The following CHD4 variants were observed in gnomAD, a reference collection of about 807,000 sequenced individuals.
CHD4 encodes the protein chromodomain helicase DNA binding protein 4.
Under a neutral mutation model 235.5 loss-of-function variants are expected in CHD4, and 35 were observed. The ratio of observed to expected loss-of-function variants is 0.15; its 90% CI spans 0.11 to 0.20. CHD4 has a LOEUF of 0.20. Among genes scored for constraint, CHD4 ranks in the 10% least tolerant of loss-of-function variants. The pLI is 1.00. For synonymous variants in CHD4, 900 were observed against 850.2 expected, an observed-to-expected ratio of 1.06 and a Z score of -1.02; for missense variants, 1,329 against 2,432.3, an observed-to-expected ratio of 0.55 and a Z score of 9.54.
chr12:6,570,575 A>G lies in CHD4; in HGVS notation c.*101T>C. On this transcript the variant is annotated 3_prime_UTR_variant, in exon 40 of 40. Coordinates refer to ENST00000544040, the MANE Select transcript of CHD4 (RefSeq NM_001273.5). ...CCTTTACAACATGGAAGATGGGCAG[A>G]AGGAAGGTGAGGGTCTCTCAGGCCC... 7.0e-7 allele frequency: 1 copy of G among 1,430,586 alleles called. No homozygotes were observed. The highest frequency in any genetic ancestry group is 9.8e-7 in the Non-Finnish European group (1 of 1,018,630). 88.6% of individuals were successfully genotyped at this position (1,430,586 alleles called of 1,614,324 possible).
chr12:6,602,580 T>C, intron 2 of CHD4, 83 bp from the exon 3 acceptor site: 7 of 1,523,276 alleles, frequency 4.6e-6, no homozygotes, highest in Non-Finnish European at 6.2e-6. Context: ...CTTTAGACTT[T>C]ATTCCCCACC....
chr12:6,589,351 T>C (rs540279889), intron 22 of CHD4, among the ~76,000 whole-genome samples: 45 of 152,212 alleles, frequency 3.0e-4, no homozygotes, highest in Middle Eastern at 3.4e-3. Context: ...TCAATCACAA[T>C]GGGAACAATA....
chr12:6,602,810 G>A, intron 2 of CHD4: 1 of 233,908 alleles, frequency 4.3e-6, no homozygotes. Context: ...GAGCTGCTCA[G>A]AGTTCACCAA....
At chr12:6,583,762 TAA>T (rs1191795823) in intron 25 of CHD4, 1 of 169,642 alleles carries the variant, frequency 5.9e-6, no homozygotes, top group Non-Finnish European at 1.2e-5. Flanking sequence ...AAGATTTTCA[TAA>T]GAGAGAAGGA....
Position 6,598,318 on chromosome 12 carries a change from G to A in CHD4, c.1590C>T (p.Pro530=), listed in dbSNP as rs779744206. ...PRPPDADPNT[P]SPKPLEGRPE... ...GCCGCCCCTCCAAGGGCTTTGGGGA[G>A]GGCGTGTTGGGATCAGCATCTGGAG... The change falls in exon 11 of 40, where the codon CCC becomes CCT. Residue 530 remains proline, a synonymous_variant. Transcript: ENST00000544040. 6.2e-7 allele frequency: 1 copy of A among 1,614,130 alleles called. No individual in the cohort carries two copies. Among genetic ancestry groups the A allele is most frequent in the Non-Finnish European group, 8.5e-7 (1 of 1,180,000 alleles).
rs374489035 is a variant in CHD4 at position 6,591,687 on chromosome 12, A to G, written c.3222+7T>C. The G allele has an allele frequency of 5.5e-5, 89 of 1,614,032 alleles. No homozygotes were observed. In the African/African-American group the frequency reaches 1.0e-3, roughly 19 times the overall value. On this transcript the variant is annotated splice_region_variant and intron_variant, in intron 21 of 39. Coordinates refer to ENST00000544040, the MANE Select transcript of CHD4 (RefSeq NM_001273.5). ...CTGTTCCCTAAAGCTCCCAGTCCAC[A>G]TGATACCTGGGAAAAGATGAGTACA...
rs12321714 is a variant in CHD4 at position 6,576,096 on chromosome 12, C to T, written c.5361+1689G>A. Among the ~76,000 whole-genome samples, 715 of 151,856 alleles carry T rather than the reference C, an allele frequency of 4.7e-3. 6 individuals are homozygous for T. Among genetic ancestry groups the T allele is most frequent in the African/African-American group, 0.016 (672 of 41,378 alleles). ...GGTCTTGGATGGGCACAGTGGCTCA[C>T]GCCTGTTATCTCAGCACTTTGGGAG... On this transcript the variant is annotated intron_variant, in intron 37 of 39. Transcript: ENST00000544040.
chr12:6,600,398 G>A lies in CHD4; in HGVS notation c.1064-3C>T, dbSNP rs747942893. The A allele has an allele frequency of 2.1e-5, 34 of 1,613,656 alleles. No homozygotes were observed. The highest frequency in any genetic ancestry group is 2.9e-5 in the Non-Finnish European group (34 of 1,179,870). The stretch of plus-strand genomic sequence containing the variant: ...CACAGCAGTCACCTCCTCCTCGCCT[G>A]GGCAAGGAAGAGGGAAAGCCCAGTT... On this transcript the variant is annotated splice_region_variant and splice_polypyrimidine_tract_variant and intron_variant, in intron 8 of 39. Coordinates refer to ENST00000544040, the MANE Select transcript of CHD4 (RefSeq NM_001273.5).
Position 6,599,940 on chromosome 12 carries a change from C to T in CHD4, c.1315G>A (p.Gly439Arg). 1 of 1,614,142 alleles carries T rather than the reference C, an allele frequency of 6.2e-7. No individual in the cohort carries two copies. The highest frequency in any genetic ancestry group is 8.5e-7 in the Non-Finnish European group (1 of 1,180,022). ...TGGTCATCCTCCTCTTCGAGGTCTC[C>T]CCCAACCTCTTCCAGGATCTCCTCA... The part of the protein sequence containing the change: ...EGEEILEEVG[G>R]DLEEEDDHHM... Residue 439 changes from glycine to arginine, a missense_variant, in exon 10 of 40, where the codon GGA becomes AGA. Around this residue, in one of 26 missense-constraint regions of CHD4, gnomAD observed 37 missense variants for 49.9 expected, o/e 0.74. Coordinates refer to ENST00000544040, the MANE Select transcript of CHD4 (RefSeq NM_001273.5).
At position 6,582,254 on chromosome 12, in the gene CHD4, A is replaced by G; in HGVS notation, c.4398T>C (p.His1466=). ...FKAYVSLFMR[H]LCEPGADGAE... is the part of the protein sequence containing the mutation. ...CCCCATCTGCCCCCGGCTCACATAA[A>G]TGCCGCATGAAAAGAGAGACATATG... The change falls in exon 30 of 40, where the codon CAT becomes CAC. Residue 1466 remains histidine (H), a synonymous_variant. Coordinates refer to ENST00000544040, the MANE Select transcript of CHD4 (RefSeq NM_001273.5). The G allele has an allele frequency of 6.3e-7, 1 of 1,595,220 alleles. No individual in the cohort carries two copies.
chr12:6,584,126 C>T (rs1249291948), intron 25 of CHD4: 1 of 152,090 alleles, frequency 6.6e-6, no homozygotes, highest in Non-Finnish European at 1.5e-5. Flanking sequence ...TATGTCTGTA[C>T]TCAACATTTA....
At chr12:6,596,227 C>A (rs1391757152) in intron 12 of CHD4, 90 bp from the exon 13 acceptor site, 3 of 1,522,458 alleles carry the variant, frequency 2.0e-6, no homozygotes, top group African/African-American at 2.7e-5. Context: ...TTGTTTCACA[C>A]CAGACCTCTA....
At position 6,596,029 on chromosome 12, in the gene CHD4, G is replaced by T. The variant is rs751060480; in HGVS notation, c.2001C>A (p.Phe667Leu). ...EDVEIQDYDL[F>L]KQSYWNHREL... ...ACCTGTGATTCCAATAGCTCTGCTT[G>T]AACAGGTCGTAATCCTGGATCTCCA... The change falls in exon 13 of 40, where the codon TTC (phenylalanine) becomes TTA (leucine). Residue 667 changes from phenylalanine to leucine, a missense_variant. Coordinates refer to ENST00000544040, the MANE Select transcript of CHD4 (RefSeq NM_001273.5). The T allele has an allele frequency of 2.5e-6, 4 of 1,612,778 alleles. 1 individual carries two copies. In the South Asian group the frequency reaches 3.3e-5, roughly 13 times the overall value.
In CHD4 at chr12:6,600,641, G is replaced by A. The variant is rs771541830; in HGVS notation, c.956C>T (p.Ser319Phe). The change falls in exon 8 of 40, where the codon TCT (serine) becomes TTT (phenylalanine). Residue 319 changes from serine (S) to phenylalanine (F), a missense_variant. By Grantham distance (155) the Ser-to-Phe change is radical (BLOSUM62 -2). This residue lies in a region of CHD4 where 160 missense variants were observed against 196.6 expected (regional missense o/e 0.81). Coordinates refer to ENST00000544040, the MANE Select transcript of CHD4 (RefSeq NM_001273.5). ...SSEDDDLDVE[S>F]DFDDASINSY... The stretch of plus-strand genomic sequence containing the variant: ...ATTGATACTGGCATCATCGAAGTCA[G>A]ATTCCACATCTAAGTCATCATCCTC... 2 of 1,614,104 alleles carry A rather than the reference G, an allele frequency of 1.2e-6. No individual in the cohort carries two copies. The highest frequency in any genetic ancestry group is 2.2e-5 in the South Asian group (2 of 91,078).
intron 22 of CHD4, among the ~76,000 whole-genome samples, chr12:6,589,241 A>G (rs1419743961): frequency 6.6e-6 from 1 of 152,172 alleles, no homozygotes; most frequent in African/African-American, 2.4e-5. Context: ...AGTAATAATC[A>G]TTGTAATCAA....
At chr12:6,601,268 C>G in intron 6 of CHD4, 21 bp downstream of exon 6, 2 of 1,609,558 alleles carry the variant, frequency 1.2e-6, no homozygotes, top group Non-Finnish European at 1.7e-6. Context: ...CACCCCCACT[C>G]CCATTTGAAC....
intron 25 of CHD4, among the ~76,000 whole-genome samples, chr12:6,585,370 T>A (rs745929513): frequency 1.3e-5 from 2 of 151,974 alleles, no homozygotes; most frequent in East Asian, 4.0e-4. Context: ...CTGCAAGCTC[T>A]GCCTCCCAGG....
Position 6,602,054 on chromosome 12 carries a change from T to A in CHD4, c.344A>T (p.Lys115Met). ...SEGSDYTPGK[K>M]KKKKLGPKKE... ...CTTAGGTCCAAGCTTCTTCTTCTTC[T>A]TCTTGCCAGGAGTATAGTCGCTGCC... Residue 115 changes from lysine (K) to methionine (M), a missense_variant, in exon 4 of 40, where the codon AAG becomes ATG. Lys to Met is a moderately conservative substitution (Grantham distance 95). Transcript: ENST00000544040. The A allele has an allele frequency of 6.2e-7, 1 of 1,613,420 alleles. No homozygotes were observed. The highest frequency in any genetic ancestry group is 8.5e-7 in the Non-Finnish European group (1 of 1,179,898).
chr12:6,601,423 G>A lies in CHD4; in HGVS notation c.665C>T (p.Ser222Phe). Residue 222 changes from serine to phenylalanine, a missense_variant, in exon 6 of 40, where the codon TCT becomes TTT. By Grantham distance (155) the Ser-to-Phe change is radical (BLOSUM62 -2). This residue lies in a region of CHD4 where 160 missense variants were observed against 196.6 expected (regional missense o/e 0.81). Coordinates refer to ENST00000544040, the MANE Select transcript of CHD4 (RefSeq NM_001273.5). The stretch of plus-strand genomic sequence containing the variant: ...TGCCGCAGCTGCCACTGATGCCCCA[G>A]AACTGCCTTTGAAGGGGTTATTGGT... ...FSTNNPFKGS[S>F]GASVAAAAAA... The A allele has an allele frequency of 6.2e-7, 1 of 1,614,174 alleles. No homozygotes were observed. The highest frequency in any genetic ancestry group is 8.5e-7 in the Non-Finnish European group (1 of 1,180,038).
Sources: gnomAD v4.1 joint callset for allele counts (sites outside exome capture counted in the v4.1 genomes callset) on GRCh38, gnomAD v4.1.1 for gene constraint, gnomAD v4.1.1 regional missense constraint, MANE v1.5 for transcripts, NCBI Gene and HGNC (gene_info 2026-07-23, HGNC 2026-07-21) for gene names.